Variants in RHBDL2 observed in about 807,000 individuals in gnomAD.
The protein encoded by RHBDL2 is rhomboid like 2, also known as rhomboid-related protein 2.
In RHBDL2, 26 loss-of-function variants were observed where a neutral mutation model predicts 31.7. The ratio of observed to expected loss-of-function variants is 0.82; its 90% CI spans 0.60 to 1.14. The LOEUF (loss-of-function observed/expected upper bound fraction) is 1.14, where lower values mean the gene tolerates loss of function less well. Among genes scored for constraint, RHBDL2 ranks in the 50% most tolerant of loss-of-function variants. The pLI, the probability that RHBDL2 is intolerant of heterozygous loss-of-function variation, is 0.00. For missense variants in RHBDL2, 336 were observed against 364.4 expected, an observed-to-expected ratio of 0.92 and a Z score of 0.63; for synonymous variants, 123 against 127.2, an observed-to-expected ratio of 0.97 and a Z score of 0.22.
chr1:38,902,160 T>C (rs964140012), intron 4 of RHBDL2, among the ~76,000 whole-genome samples: 14 of 150,142 alleles, frequency 9.3e-5, no homozygotes, highest in African/African-American at 3.4e-4. Flanking sequence ...ATACAAAGTT[T>C]GTTCTCTAAC....
At chr1:38,937,772 T>C (rs188236482) in intron 1 of RHBDL2, among the ~76,000 whole-genome samples, 28 of 152,280 alleles carry the variant, frequency 1.8e-4, no homozygotes, top group Admixed American at 3.3e-4. Flanking sequence ...ATTTCCAAAC[T>C]TTTATTAGGA....
intron 7 of RHBDL2, among the ~76,000 whole-genome samples, 164 bp from the exon 8 acceptor site, chr1:38,886,847 C>A (rs1328681650): frequency 6.6e-6 from 1 of 152,160 alleles, no homozygotes; most frequent in Non-Finnish European, 1.5e-5. Flanking sequence ...ACTCCATGTG[C>A]ACAGAGAGAA....
intron 5 of RHBDL2, among the ~76,000 whole-genome samples, chr1:38,893,803 A>G (rs574969938): frequency 7.2e-5 from 11 of 152,086 alleles, no homozygotes; most frequent in Admixed American, 7.2e-4. Flanking sequence ...CAGTGGTGCA[A>G]TCTATAGCTC....
Position 38,887,968 on chromosome 1 carries a change from A to G in RHBDL2, c.727T>C (p.Ser243Pro), listed in dbSNP as rs745925785. 1 of 1,607,276 alleles carries G rather than the reference A, an allele frequency of 6.2e-7. No homozygotes were observed. Among genetic ancestry groups the G allele is most frequent in the Admixed American group, 1.7e-5 (1 of 59,894 alleles). The change falls in exon 7 of 8, where the codon TCT (serine) becomes CCT (proline). Residue 243 changes from serine (S) to proline (P), a missense_variant. Ser to Pro is a moderately conservative substitution (Grantham distance 74). Coordinates refer to ENST00000372990, the MANE Select transcript of RHBDL2 (RefSeq NM_017821.5). ...YRRFFVPEDG[S>P]PVSFAAHIAG... The stretch of plus-strand genomic sequence containing the variant: ...AAGAAAGAAACTGAACTCACCGGAG[A>G]CCCATCTTCAGGAACAAAGAACCTT...
intron 4 of RHBDL2, among the ~76,000 whole-genome samples, chr1:38,902,201 C>CTTTTTTTTTTTTTTTTTTTTTT (rs770169792): frequency 4.3e-5 from 4 of 92,820 alleles, no homozygotes; most frequent in Non-Finnish European, 6.1e-5. Flanking sequence ...TTTTCTTTTT[C>CTTTTTTTTTTTTTTTTTTTTTT]TTTTTTTTTT....
chr1:38,893,833 G>A (rs1642882636), intron 5 of RHBDL2, among the ~76,000 whole-genome samples: 1 of 151,994 alleles, frequency 6.6e-6, no homozygotes, highest in African/African-American at 2.4e-5. Context: ...TCGAACTCCT[G>A]GACTCAAGCC....
chr1:38,934,379 C>T (rs560642647), intron 1 of RHBDL2, among the ~76,000 whole-genome samples: 38 of 150,398 alleles, frequency 2.5e-4, no homozygotes, highest in African/African-American at 8.6e-4. Flanking sequence ...TAAAATGGCC[C>T]GGCAGGGTGG....
chr1:38,913,038 G>A (rs1370505299), intron 3 of RHBDL2, among the ~76,000 whole-genome samples: 2 of 148,252 alleles, frequency 1.3e-5, no homozygotes, highest in African/African-American at 2.5e-5. Flanking sequence ...GCTGGAGTGC[G>A]GTGGCGCGAT....
intron 1 of RHBDL2, among the ~76,000 whole-genome samples, chr1:38,923,218 A>G (rs1487420597): frequency 2.6e-5 from 4 of 152,232 alleles, no homozygotes; most frequent in African/African-American, 9.6e-5. Flanking sequence ...ATAAACTATT[A>G]AAAGCATATA....
chr1:38,895,892 G>A, intron 5 of RHBDL2, 77 bp downstream of exon 5: 1 of 882,526 alleles, frequency 1.1e-6, no homozygotes, highest in Non-Finnish European at 1.8e-6. Flanking sequence ...GATAAATGAA[G>A]GTTCGTTGAA....
rs1014034416 is a variant in RHBDL2, at chr1:38,941,528, C to T, written c.-126+154G>A. Among the ~76,000 whole-genome samples, 6 of 152,304 alleles carry T rather than the reference C, an allele frequency of 3.9e-5. 1 individual carries two copies. In the South Asian group the frequency reaches 1.2e-3, roughly 32 times the overall value. ...AGTAGCAGGATCCAAAGCGGCCACA[C>T]CAGGAGGTCACTCCAGAAGGGGGGT... On this transcript the variant is annotated intron_variant, in intron 1 of 7. Coordinates refer to ENST00000372990, the MANE Select transcript of RHBDL2 (RefSeq NM_017821.5).
chr1:38,896,092 A>G, intron 4 of RHBDL2, 23 bp from the exon 5 acceptor site: 1 of 1,510,668 alleles, frequency 6.6e-7, no homozygotes, highest in Non-Finnish European at 9.2e-7. Context: ...AACACAAAGG[A>G]TCAGACATGA....
chr1:38,906,265 A>G (rs1377341883), intron 4 of RHBDL2, among the ~76,000 whole-genome samples: 3 of 152,182 alleles, frequency 2.0e-5, no homozygotes, highest in African/African-American at 7.2e-5. Context: ...GAAATAAAAT[A>G]TCCTTATTTA....
In RHBDL2 at chr1:38,919,207, A is replaced by T; in HGVS notation, c.6T>A (p.Ala2=). The change falls in exon 2 of 8, where the codon GCT becomes GCA. Residue 2 remains alanine, a synonymous_variant. Transcript: ENST00000372990. The stretch of plus-strand genomic sequence containing the variant: ...TCTCCATCTCCAGATCATGAACAGC[A>T]GCCATTGTCCTGGGTCCTCCCTCCT... M[A]AVHDLEMESM... The T allele has an allele frequency of 3.1e-6, 5 of 1,614,108 alleles. No homozygotes were observed. Among genetic ancestry groups the T allele is most frequent in the Non-Finnish European group, 4.2e-6 (5 of 1,180,036 alleles).
At chr1:38,898,598 T>C (rs528068453) in intron 4 of RHBDL2, among the ~76,000 whole-genome samples, 45 of 152,158 alleles carry the variant, frequency 3.0e-4, no homozygotes, top group Non-Finnish European at 5.9e-4. Context: ...AGATGAGTTA[T>C]CTGATTGCCC....
At chr1:38,916,527 A>G (rs912838683) in intron 2 of RHBDL2, among the ~76,000 whole-genome samples, 1 of 152,164 alleles carries the variant, frequency 6.6e-6, no homozygotes, top group African/African-American at 2.4e-5. Context: ...GGAATATGCC[A>G]ATGTCAGTTT....
At chr1:38,907,758 T>C (rs1643087357) in intron 4 of RHBDL2, among the ~76,000 whole-genome samples, 1 of 152,022 alleles carries the variant, frequency 6.6e-6, no homozygotes, top group East Asian at 1.9e-4. Context: ...AACAAACAAA[T>C]AAATGTAAAG....
chr1:38,899,044 C>G (rs560576061), intron 4 of RHBDL2, among the ~76,000 whole-genome samples: 2 of 152,198 alleles, frequency 1.3e-5, no homozygotes, highest in South Asian at 4.1e-4. Context: ...AACAGAAGCT[C>G]AAGTATAGAG....
chr1:38,902,624 G>A (rs1557611644), intron 4 of RHBDL2, among the ~76,000 whole-genome samples: 1 of 151,932 alleles, frequency 6.6e-6, no homozygotes, highest in African/African-American at 2.4e-5. Flanking sequence ...GTTTCACCAT[G>A]TTGGTCGGGC....
Sources: gnomAD v4.1 joint callset for allele counts (sites outside exome capture counted in the v4.1 genomes callset) on GRCh38, gnomAD v4.1.1 for gene constraint, MANE v1.5 for transcripts, NCBI Gene and HGNC (gene_info 2026-07-23, HGNC 2026-07-21) for gene names.